XPO6: variants seen among roughly 807,000 people sequenced by gnomAD.
The protein encoded by XPO6 is exportin 6, also known as exportin-6.
XPO6 carries 3 observed loss-of-function variants against 130.0 expected under a neutral mutation model. That is an observed-to-expected ratio of 0.02 (90% CI 0.01 to 0.06). The LOEUF (loss-of-function observed/expected upper bound fraction) is 0.06. Among genes scored for constraint, XPO6 ranks in the 10% least tolerant of loss-of-function variants. The pLI is 1.00. For missense variants in XPO6, 970 were observed against 1,393.0 expected, an observed-to-expected ratio of 0.70 and a Z score of 4.83; for synonymous variants, 524 against 548.9, an observed-to-expected ratio of 0.95 and a Z score of 0.63.
chr16:28,208,247 T>C (rs909577563), intron 1 of XPO6, among the ~76,000 whole-genome samples: 1 of 152,362 alleles, frequency 6.6e-6, no homozygotes, highest in Non-Finnish European at 1.5e-5. Context: ...CTTTCAAGTC[T>C]TATTAGAGTT....
At chr16:28,177,629 G>C (rs1336077610) in intron 2 of XPO6, among the ~76,000 whole-genome samples, 2 of 152,136 alleles carry the variant, frequency 1.3e-5, no homozygotes, top group Non-Finnish European at 2.9e-5. Flanking sequence ...TGTGTGGCTG[G>C]AATGTTCTAA....
At chr16:28,205,834 T>C (rs1041815449) in intron 1 of XPO6, among the ~76,000 whole-genome samples, 3 of 151,874 alleles carry the variant, frequency 2.0e-5, no homozygotes, top group Non-Finnish European at 4.4e-5. Flanking sequence ...GGTCAGGAGT[T>C]CAAGACCAGC....
intron 7 of XPO6, chr16:28,154,459 A>G: frequency 4.1e-6 from 1 of 241,718 alleles, no homozygotes; most frequent in South Asian, 1.5e-4. Flanking sequence ...GGGAAAAGGC[A>G]GTAGAGGGAA....
Position 28,117,432 on chromosome 16 carries a change from A to G in XPO6, c.1890T>C (p.Ala630=), listed in dbSNP as rs762786486. ...VHAQSLAALQ[A]YSHWLAQYCS... Reference sequence around the variant, plus strand: ...AATACTGTGCTAACCAGTGAGAGTAAGCCTGCAGCGCAGCCAGGGACTGAG... The same window carrying G: ...AATACTGTGCTAACCAGTGAGAGTAGGCCTGCAGCGCAGCCAGGGACTGAG... The change falls in exon 15 of 24, where the codon GCT becomes GCC. Residue 630 remains alanine, a synonymous_variant. Transcript: ENST00000304658. 4.3e-5 allele frequency: 69 copies of G among 1,614,132 alleles called. No homozygotes were observed. Among genetic ancestry groups the G allele is most frequent in the Non-Finnish European group, 5.6e-5 (66 of 1,180,056 alleles).
At chr16:28,191,644 CAG>C (rs2043787775) in intron 1 of XPO6, among the ~76,000 whole-genome samples, 2 of 152,320 alleles carry the variant, frequency 1.3e-5, no homozygotes, top group Non-Finnish European at 2.9e-5. Flanking sequence ...CAAGTGAAGA[CAG>C]GGGCAGGCCA....
At chr16:28,192,622 C>T (rs971250816) in intron 1 of XPO6, among the ~76,000 whole-genome samples, 2 of 152,056 alleles carry the variant, frequency 1.3e-5, no homozygotes, top group African/African-American at 4.8e-5. Context: ...GATGCAGTGA[C>T]CTCACACTGG....
chr16:28,149,267 C>A (rs528233043), intron 8 of XPO6, among the ~76,000 whole-genome samples: 1 of 152,020 alleles, frequency 6.6e-6, no homozygotes, highest in Non-Finnish European at 1.5e-5. Context: ...GCTCAGCAAG[C>A]AAAGCAAGGC....
chr16:28,184,113 T>A (rs1211260674), intron 1 of XPO6, among the ~76,000 whole-genome samples: 1 of 152,150 alleles, frequency 6.6e-6, no homozygotes, highest in African/African-American at 2.4e-5. Context: ...CCAAGCAGAT[T>A]ACACTTTCAA....
intron 9 of XPO6, among the ~76,000 whole-genome samples, chr16:28,144,152 A>T (rs150272678): frequency 7.4e-4 from 113 of 152,290 alleles, no homozygotes; most frequent in Middle Eastern, 3.4e-3. Flanking sequence ...ATAATTACTT[A>T]AAGTTGGCAA....
At chr16:28,113,495 C>G (rs181425377) in intron 15 of XPO6, among the ~76,000 whole-genome samples, 4 of 152,272 alleles carry the variant, frequency 2.6e-5, no homozygotes, top group South Asian at 2.1e-4. Context: ...CTTCAGCATG[C>G]CTATCAAATA....
intron 6 of XPO6, among the ~76,000 whole-genome samples, chr16:28,163,364 T>C (rs962253998): frequency 1.3e-5 from 2 of 152,248 alleles, no homozygotes; most frequent in African/African-American, 2.4e-5. Flanking sequence ...GAACTTTTCA[T>C]CATCACGTAT....
At chr16:28,203,084 G>A (rs947906172) in intron 1 of XPO6, among the ~76,000 whole-genome samples, 6 of 152,114 alleles carry the variant, frequency 3.9e-5, no homozygotes, top group African/African-American at 1.4e-4. Context: ...AAGGCCAGCA[G>A]GGGCAACATG....
At chr16:28,195,363 T>C (rs1182350770) in intron 1 of XPO6, among the ~76,000 whole-genome samples, 1 of 152,198 alleles carries the variant, frequency 6.6e-6, no homozygotes, top group Non-Finnish European at 1.5e-5. Flanking sequence ...GAACACCTAC[T>C]AACTATGAAA....
intron 17 of XPO6, among the ~76,000 whole-genome samples, chr16:28,110,480 C>T (rs1001890544): frequency 1.3e-5 from 2 of 152,252 alleles, no homozygotes; most frequent in African/African-American, 4.8e-5. Flanking sequence ...CTGACCCAAG[C>T]TGGACATATA....
chr16:28,119,959 A>C (rs2087186716), intron 14 of XPO6, among the ~76,000 whole-genome samples: 1 of 152,056 alleles, frequency 6.6e-6, no homozygotes, highest in South Asian at 2.1e-4. Context: ...CTCCCAGCTC[A>C]GCCTCCCGAG....
chr16:28,129,529 C>CTGTCTAGGT (rs1480876197), intron 12 of XPO6, among the ~76,000 whole-genome samples: 1,878 of 152,274 alleles, frequency 0.012, 37 homozygotes, highest in African/African-American at 0.043. Context: ...CAAACCAAGT[C>CTGTCTAGGT]ATTCTAAAGC....
chr16:28,202,942 C>T (rs1437470206), intron 1 of XPO6, among the ~76,000 whole-genome samples: 1 of 152,176 alleles, frequency 6.6e-6, no homozygotes, highest in African/African-American at 2.4e-5. Flanking sequence ...CTGAACTCAG[C>T]ACACAGATGT....
In XPO6 at chr16:28,177,264, T is replaced by C. The variant is rs2043548484; in HGVS notation, c.163A>G (p.Thr55Ala). 1 of 1,612,908 alleles carries C rather than the reference T, an allele frequency of 6.2e-7. No individual in the cohort carries two copies. Residue 55 changes from threonine to alanine, a missense_variant, in exon 3 of 24, where the codon ACT becomes GCT. This residue lies in a region of XPO6 where 13 missense variants were observed against 32.0 expected (regional missense o/e 0.41). Coordinates refer to ENST00000304658, the MANE Select transcript of XPO6 (RefSeq NM_015171.4). The stretch of plus-strand genomic sequence containing the variant: ...TACATCATTACATAGTCATTCCTAG[T>C]GCTGGAGAGAAAGTACAGGCAGAAT... Reference protein sequence around the residue: ...WRFCLYFLSSTRNDYVMMYSL... With the variant: ...WRFCLYFLSSARNDYVMMYSL...
chr16:28,138,529 C>G (rs1326106803), intron 9 of XPO6, among the ~76,000 whole-genome samples: 3 of 152,080 alleles, frequency 2.0e-5, no homozygotes, highest in Admixed American at 6.6e-5. Context: ...ACATAGATCA[C>G]TGATCTCCCA....
Sources: allele counts gnomAD v4.1 joint callset (sites outside exome capture counted in the v4.1 genomes callset), GRCh38; gene constraint gnomAD v4.1.1; regional missense constraint gnomAD v4.1.1; transcripts MANE v1.5; gene names NCBI Gene and HGNC (gene_info 2026-07-23, HGNC 2026-07-21).